The following SEMA3D variants were observed in gnomAD, a reference collection of about 807,000 sequenced individuals.
SEMA3D encodes the protein semaphorin 3D, also known as semaphorin-3D.
A neutral mutation model predicts 100.1 loss-of-function variants in SEMA3D; 84 were observed. The observed-to-expected ratio is 0.84, with a 90% CI of 0.70 to 1.01. The LOEUF is 1.01. Ranked by LOEUF, SEMA3D falls within the 50% of genes least tolerant of loss-of-function variation. SEMA3D has a pLI of 0.00. For synonymous variants in SEMA3D, 312 were observed against 320.7 expected (o/e 0.97, Z 0.29); for missense variants, 875 against 934.1 (o/e 0.94, Z 0.82).
chr7:85,225,091 T>C, the SEMA3D span, among the ~76,000 whole-genome samples: 27 of 12,904 alleles, frequency 2.1e-3, no homozygotes, highest in Admixed American at 4.3e-3. Context: ...TATATATATA[T>C]ATATATATAT....
chr7:85,241,941 A>G, the SEMA3D span, among the ~76,000 whole-genome samples: 97 of 152,196 alleles, frequency 6.4e-4, no homozygotes, highest in African/African-American at 2.1e-3. Flanking sequence ...TGTGGAGAAA[A>G]GGGAACCGCT....
intron 1 of SEMA3D, among the ~76,000 whole-genome samples, chr7:85,168,748 G>T (rs1172139027): frequency 2.1e-5 from 3 of 146,278 alleles, no homozygotes; most frequent in African/African-American, 5.0e-5. Flanking sequence ...ATATATATCT[G>T]TGTGTCTGTA....
Position 84,999,857 on chromosome 7 carries a change from G to A in SEMA3D, c.1917C>T (p.Pro639=), listed in dbSNP as rs759265681. The change falls in exon 19 of 19, where the codon CCC becomes CCT. Residue 639 remains proline (P), a synonymous_variant. Coordinates refer to ENST00000284136, the MANE Select transcript of SEMA3D (RefSeq NM_001384900.1). ...SGDEHREELK[P]DERIIKTEYG... ...ATTCCGTTTTGATGATTCTTTCATC[G>A]GGCTTCAACTGCAGAATTGGAAAAA... The A allele has an allele frequency of 4.3e-6, 7 of 1,611,382 alleles. No homozygotes were observed. Among genetic ancestry groups the A allele is most frequent in the Admixed American group, 3.3e-5 (2 of 59,784 alleles).
At chr7:85,042,690 A>G (rs1790897227) in intron 9 of SEMA3D, among the ~76,000 whole-genome samples, 1 of 152,106 alleles carries the variant, frequency 6.6e-6, no homozygotes, top group Non-Finnish European at 1.5e-5. Flanking sequence ...GTTGTTTTTC[A>G]GAGATGAAGT....
rs1410736805 is a variant in SEMA3D at position 85,037,018 on chromosome 7, G to A, written c.1062C>T (p.Gly354=). The A allele has an allele frequency of 6.2e-7, 1 of 1,611,246 alleles. No homozygotes were observed. The highest frequency in any genetic ancestry group is 1.1e-5 in the South Asian group (1 of 90,392). The part of the protein sequence containing the change: ...VFTTTSSIFK[G]SAVCVYSMAD... ...CCATGCTATACACACAAACAGCAGAGCCTTTGAAGATGGAGCTGGAAAAAA... is the reference window on the plus strand; with the variant it reads ...CCATGCTATACACACAAACAGCAGAACCTTTGAAGATGGAGCTGGAAAAAA... Residue 354 remains glycine, a synonymous_variant, in exon 12 of 19, where the codon GGC becomes GGT. Transcript: ENST00000284136.
At chr7:85,202,369 C>G in the SEMA3D span, among the ~76,000 whole-genome samples, 3 of 151,888 alleles carry the variant, frequency 2.0e-5, no homozygotes, top group African/African-American at 4.8e-5. Flanking sequence ...TCATCCATGT[C>G]CCTACAAAGG....
intron 3 of SEMA3D, among the ~76,000 whole-genome samples, chr7:85,111,700 C>T (rs1789100474): frequency 6.6e-6 from 1 of 152,068 alleles, no homozygotes; most frequent in Non-Finnish European, 1.5e-5. Flanking sequence ...TCAGACTGTG[C>T]TCAAAATTCT....
At chr7:85,132,754 A>G (rs1287631665) in intron 2 of SEMA3D, among the ~76,000 whole-genome samples, 2 of 151,984 alleles carry the variant, frequency 1.3e-5, no homozygotes, top group African/African-American at 4.8e-5. Context: ...ATCTTTATAT[A>G]TGCCTTCACA....
intron 8 of SEMA3D, among the ~76,000 whole-genome samples, chr7:85,056,616 T>C (rs901929861): frequency 1.3e-5 from 2 of 149,354 alleles, no homozygotes; most frequent in Non-Finnish European, 3.0e-5. Context: ...TAACATTTTA[T>C]ATATATAGCA....
chr7:85,184,676 T>G (rs1006205060), intron 1 of SEMA3D, among the ~76,000 whole-genome samples: 1 of 152,242 alleles, frequency 6.6e-6, no homozygotes, highest in Non-Finnish European at 1.5e-5. Flanking sequence ...ATTGGAAATT[T>G]TGGCAATTCG....
the SEMA3D span, among the ~76,000 whole-genome samples, chr7:85,209,589 T>C: frequency 9.9e-5 from 15 of 152,150 alleles, no homozygotes; most frequent in African/African-American, 3.6e-4. Context: ...TCTTTATTGA[T>C]TACTTCCTTT....
chr7:85,018,388 G>A, intron 14 of SEMA3D, 95 bp from the exon 15 acceptor site: 2 of 769,570 alleles, frequency 2.6e-6, no homozygotes, highest in Admixed American at 4.3e-5. Flanking sequence ...TATCACTGAA[G>A]TAAACATCAA....
rs1789492855 is a variant in SEMA3D, at chr7:84,996,107, T to C, written c.*3333A>G. On this transcript the variant is annotated 3_prime_UTR_variant, in exon 19 of 19. Transcript: ENST00000284136. Reference sequence around the variant, plus strand: ...AGTTTTGATTTCCATTTGTATTATATAAATAAATATGAAATACAACATTTA... The same window carrying C: ...AGTTTTGATTTCCATTTGTATTATACAAATAAATATGAAATACAACATTTA... The C allele has an allele frequency of 6.6e-6, 1 of 151,970 alleles. No individual in the cohort carries two copies. Among genetic ancestry groups the C allele is most frequent in the Non-Finnish European group, 1.5e-5 (1 of 67,862 alleles). The allele number at this position is 151,970 out of a possible 1,614,324, so 9.4% of individuals were successfully genotyped here. A position where few individuals can be genotyped will look rare whatever the true frequency, so the allele number is the denominator to read the frequency against.
intron 1 of SEMA3D, among the ~76,000 whole-genome samples, chr7:85,169,524 G>A (rs1325927062): frequency 3.3e-5 from 5 of 151,636 alleles, no homozygotes; most frequent in African/African-American, 7.3e-5. Flanking sequence ...TTAATGATAC[G>A]GAGGTTAAAA....
At chr7:85,209,820 C>T in the SEMA3D span, among the ~76,000 whole-genome samples, 1 of 152,036 alleles carries the variant, frequency 6.6e-6, no homozygotes, top group Non-Finnish European at 1.5e-5. Flanking sequence ...ATATTTAATT[C>T]CCACAAGGTC....
intron 1 of SEMA3D, among the ~76,000 whole-genome samples, chr7:85,169,076 CTAT>C (rs1791013369): frequency 6.6e-6 from 1 of 151,478 alleles, no homozygotes; most frequent in African/African-American, 2.4e-5. Flanking sequence ...TTTTCTTATA[CTAT>C]GAGTCCATGA....
intron 9 of SEMA3D, among the ~76,000 whole-genome samples, chr7:85,044,247 T>A (rs1005410951): frequency 2.6e-5 from 4 of 151,906 alleles, no homozygotes; most frequent in Non-Finnish European, 5.9e-5. Flanking sequence ...ATCTTATAAA[T>A]ACTATGCTTG....
At chr7:85,178,556 TGA>T (rs1467485177) in intron 1 of SEMA3D, among the ~76,000 whole-genome samples, 1 of 152,060 alleles carries the variant, frequency 6.6e-6, no homozygotes, top group African/African-American at 2.4e-5. Context: ...GCTTTGAACT[TGA>T]GAGAGATGAT....
chr7:85,097,241 A>G (rs1230713138), intron 4 of SEMA3D, among the ~76,000 whole-genome samples: 1 of 151,830 alleles, frequency 6.6e-6, no homozygotes, highest in Non-Finnish European at 1.5e-5. Flanking sequence ...TTTCTTTGTC[A>G]TGGTGAGATT....
Sources: allele counts gnomAD v4.1 joint callset (sites outside exome capture counted in the v4.1 genomes callset), GRCh38; gene constraint gnomAD v4.1.1; transcripts MANE v1.5; gene names NCBI Gene and HGNC (gene_info 2026-07-23, HGNC 2026-07-21).